The following CACNA1E variants were observed in gnomAD, a reference collection of about 807,000 sequenced individuals.
CACNA1E encodes the protein voltage-dependent R-type calcium channel subunit alpha-1E.
Under a neutral mutation model 259.2 loss-of-function variants are expected in CACNA1E, and 40 were observed. The observed-to-expected ratio is 0.15, with a 90% CI of 0.12 to 0.20. The LOEUF (loss-of-function observed/expected upper bound fraction) is 0.20. Ranked by LOEUF, CACNA1E falls within the 10% of genes least tolerant of loss-of-function variation. CACNA1E has a pLI of 1.00. For missense variants in CACNA1E, 1,874 were observed against 3,040.1 expected, an observed-to-expected ratio of 0.62 and a Z score of 9.02; for synonymous variants, 1,104 against 1,138.5, an observed-to-expected ratio of 0.97 and a Z score of 0.61.
At chr1:181,338,904 A>G (rs1246949064) in intron 1 of CACNA1E, among the ~76,000 whole-genome samples, 3 of 151,920 alleles carry the variant, frequency 2.0e-5, no homozygotes, top group African/African-American at 4.8e-5. Context: ...TTCTAGCACA[A>G]TTAATTGAAG....
chr1:181,622,419 T>C (rs1012892664), intron 6 of CACNA1E, among the ~76,000 whole-genome samples: 7 of 152,096 alleles, frequency 4.6e-5, no homozygotes, highest in African/African-American at 1.2e-4. Flanking sequence ...AAACAGAAAT[T>C]TACTTTCTCA....
chr1:181,382,293 G>A (rs115950298), intron 1 of CACNA1E, among the ~76,000 whole-genome samples: 1,868 of 152,300 alleles, frequency 0.012, 23 homozygotes, highest in African/African-American at 0.043. Flanking sequence ...GGAAGGTAGT[G>A]TGAGACTGGG....
chr1:181,550,038 T>G (rs183500855), intron 3 of CACNA1E, among the ~76,000 whole-genome samples: 1 of 151,944 alleles, frequency 6.6e-6, no homozygotes, highest in African/African-American at 2.4e-5. Flanking sequence ...CATGTGTGTG[T>G]TGGGGGTAAT....
chr1:181,763,211 G>C (rs1658738422), intron 33 of CACNA1E, among the ~76,000 whole-genome samples, 195 bp from the exon 34 acceptor site: 2 of 152,114 alleles, frequency 1.3e-5, no homozygotes, highest in South Asian at 4.2e-4. Flanking sequence ...CCTTCTACCT[G>C]GGGATAGAGA....
intron 1 of CACNA1E, among the ~76,000 whole-genome samples, chr1:181,489,136 T>C (rs1664095622): frequency 1.3e-5 from 2 of 152,172 alleles, no homozygotes. Context: ...TGCAATCCAG[T>C]CCATCAATGG....
At chr1:181,658,580 G>A (rs557398872) in intron 7 of CACNA1E, among the ~76,000 whole-genome samples, 1 of 152,166 alleles carries the variant, frequency 6.6e-6, no homozygotes, top group East Asian at 1.9e-4. Flanking sequence ...CAGCCTCTTA[G>A]GTCCAGGTGG....
chr1:181,372,260 T>A (rs1362935991), intron 1 of CACNA1E, among the ~76,000 whole-genome samples: 1 of 152,204 alleles, frequency 6.6e-6, no homozygotes. Context: ...GTTTATGTTG[T>A]CTCTGATTTC....
rs550244817 is a variant in CACNA1E, at chr1:181,461,345, T to G, written c.435-22399T>G. On this transcript the variant is annotated intron_variant, in intron 2 of 11. Transcript: ENST00000524607. ...TCACGAGGTCAGGAGATCGAGACCA[T>G]CCTGGCTAACACGGTGAAACCCCCT... is the stretch of plus-strand genomic sequence containing the variant. Among the ~76,000 whole-genome samples, 166 of 151,602 alleles carry G rather than the reference T, an allele frequency of 1.1e-3. 1 individual carries two copies. The highest frequency in any genetic ancestry group is 3.8e-3 in the African/African-American group (158 of 41,180).
At chr1:181,630,832 C>T (rs1378776673) in intron 6 of CACNA1E, among the ~76,000 whole-genome samples, 1 of 152,162 alleles carries the variant, frequency 6.6e-6, no homozygotes, top group Non-Finnish European at 1.5e-5. Flanking sequence ...GGACCTGAAA[C>T]ATTAGAGCTC....
At chr1:181,705,156 T>A (rs771018683) in intron 7 of CACNA1E, among the ~76,000 whole-genome samples, 2 of 152,252 alleles carry the variant, frequency 1.3e-5, no homozygotes, top group African/African-American at 4.8e-5. Context: ...TGGCTCCTTA[T>A]AGGTTCATAC....
At chr1:181,587,188 G>A (rs890952873) in intron 6 of CACNA1E, among the ~76,000 whole-genome samples, 8 of 152,208 alleles carry the variant, frequency 5.3e-5, no homozygotes, top group African/African-American at 1.9e-4. Context: ...AATGAAAGAG[G>A]AAGTAAGGTC....
chr1:181,687,805 T>TC (rs1650735227), intron 7 of CACNA1E, among the ~76,000 whole-genome samples: 1 of 152,154 alleles, frequency 6.6e-6, no homozygotes, highest in African/African-American at 2.4e-5. Context: ...AGACATTATT[T>TC]CCCCCATTAT....
At chr1:181,796,531 TG>T (rs199749592) in intron 46 of CACNA1E, 136 bp from the exon 47 acceptor site, 31 of 571,984 alleles carry the variant, frequency 5.4e-5, no homozygotes, top group South Asian at 1.7e-4. Flanking sequence ...CATTTGAATT[TG>T]GGGGGGGACA....
chr1:181,331,856 GT>G (rs1319701427), intron 1 of CACNA1E, among the ~76,000 whole-genome samples: 1 of 152,132 alleles, frequency 6.6e-6, no homozygotes, highest in Non-Finnish European at 1.5e-5. Context: ...CCAATTGCTA[GT>G]TTTTGTCAGG....
chr1:181,663,550 G>A (rs766764146), intron 7 of CACNA1E, among the ~76,000 whole-genome samples: 3 of 152,342 alleles, frequency 2.0e-5, no homozygotes, highest in Middle Eastern at 3.4e-3. Context: ...AAGGGAAACC[G>A]AGTAACATCA....
intron 1 of CACNA1E, among the ~76,000 whole-genome samples, chr1:181,343,304 G>T (rs1250541786): frequency 6.6e-6 from 1 of 152,158 alleles, no homozygotes; most frequent in Non-Finnish European, 1.5e-5. Flanking sequence ...CGGTGCTGGA[G>T]GTGGGCGTAG....
At chr1:181,640,719 C>G (rs1206283159) in intron 6 of CACNA1E, among the ~76,000 whole-genome samples, 1 of 152,138 alleles carries the variant, frequency 6.6e-6, no homozygotes, top group East Asian at 1.9e-4. Flanking sequence ...TGCTGTATGT[C>G]AACAGAGATG....
At chr1:181,371,170 A>G (rs901925263) in intron 1 of CACNA1E, among the ~76,000 whole-genome samples, 1 of 152,124 alleles carries the variant, frequency 6.6e-6, no homozygotes, top group Non-Finnish European at 1.5e-5. Context: ...TGAATATTAG[A>G]TCTTTGCTGA....
chr1:181,350,635 T>A (rs899491073), intron 1 of CACNA1E, among the ~76,000 whole-genome samples: 1 of 151,762 alleles, frequency 6.6e-6, no homozygotes, highest in African/African-American at 2.4e-5. Flanking sequence ...CCCCTGGGGG[T>A]CAAAGTAACT....
Sources: gnomAD v4.1 joint callset for allele counts (sites outside exome capture counted in the v4.1 genomes callset) on GRCh38, gnomAD v4.1.1 for gene constraint, MANE v1.5 for transcripts, NCBI Gene and HGNC (gene_info 2026-07-23, HGNC 2026-07-21) for gene names.